ACOX3: variants seen among roughly 807,000 people sequenced by gnomAD.
The protein encoded by ACOX3 is peroxisomal acyl-coenzyme A oxidase 3.
A neutral mutation model predicts 81.5 loss-of-function variants in ACOX3; 73 were observed. That is an observed-to-expected ratio of 0.90 (90% CI 0.74 to 1.09). The LOEUF (loss-of-function observed/expected upper bound fraction) is 1.09, where lower values mean the gene tolerates loss of function less well. ACOX3 is among the 50% of genes least tolerant of loss of function. The probability of loss-of-function intolerance (pLI) is 0.00; values close to 1 mark genes in which losing one functional copy is unlikely to be tolerated. For missense variants in ACOX3, 947 were observed against 928.0 expected, an observed-to-expected ratio of 1.02 and a Z score of -0.27; for synonymous variants, 387 against 375.1, an observed-to-expected ratio of 1.03 and a Z score of -0.37.
rs563266455 is a variant in ACOX3, at chr4:8,372,694, C to T, written c.1896+867G>A. ...ATCCCGAGAGAGGCTCAGAGCCAGT[C>T]ACAGGGACGTTCCACTGGTCCCAGA... On this transcript the variant is annotated intron_variant, in intron 16 of 17. Coordinates refer to ENST00000356406, the MANE Select transcript of ACOX3 (RefSeq NM_003501.3). Among the ~76,000 whole-genome samples, 98 of 152,340 alleles carry T rather than the reference C, an allele frequency of 6.4e-4. 1 individual carries two copies. The highest frequency in any genetic ancestry group is 2.2e-3 in the African/African-American group (93 of 41,586).
intron 16 of ACOX3, among the ~76,000 whole-genome samples, chr4:8,371,845 G>A (rs1011258761): frequency 5.3e-5 from 8 of 152,274 alleles, no homozygotes; most frequent in Non-Finnish European, 1.0e-4. Flanking sequence ...CCAGGTGGGA[G>A]ATGTTACCGG....
Position 8,416,569 on chromosome 4 carries a change from C to G in ACOX3, c.-14-34G>C. ...AACATGCAACCTGAATCCATGCTCT[C>G]CCATCTATGGGTTCAAACTACCCCC... On this transcript the variant is annotated intron_variant, in intron 1 of 17. Transcript: ENST00000356406. This position sits in a 1 kb window ranked among gnomAD's most constrained non-coding sequence, Gnocchi z 4.2. 1 of 1,536,514 alleles carries G rather than the reference C, an allele frequency of 6.5e-7. No individual in the cohort carries two copies. Among genetic ancestry groups the G allele is most frequent in the Non-Finnish European group, 8.8e-7 (1 of 1,142,100 alleles).
chr4:8,371,775 C>T lies in ACOX3; in HGVS notation c.1897-781G>A, dbSNP rs144069973. 8.1e-3 allele frequency among the ~76,000 whole-genome samples: 1,235 copies of T among 152,380 alleles called. 18 individuals carry two copies. The highest frequency in any genetic ancestry group is 0.028 in the African/African-American group (1,175 of 41,594). Reference sequence around the variant, plus strand: ...GGCCGCAGACAAATGCCACTGCTCCCGGAGAGAAGCTCTCGGCAGAGCACA... The same window carrying T: ...GGCCGCAGACAAATGCCACTGCTCCTGGAGAGAAGCTCTCGGCAGAGCACA... On this transcript the variant is annotated intron_variant, in intron 16 of 17. Transcript: ENST00000356406.
chr4:8,399,550 C>T lies in ACOX3; in HGVS notation c.873+6G>A. The T allele has an allele frequency of 6.2e-7, 1 of 1,611,216 alleles. No homozygotes were observed. The highest frequency in any genetic ancestry group is 1.3e-5 in the African/African-American group (1 of 75,006). ...ACGGCACACGAACGGCCCCCCATGC[C>T]TGTACCTTAAAGGGGCTGACATAGG... On this transcript the variant is annotated splice_donor_region_variant and intron_variant, in intron 8 of 17. Transcript: ENST00000356406. The surrounding 1 kb of genome is among the most constrained non-coding windows in gnomAD (Gnocchi z 4.9).
At chr4:8,418,589 C>T (rs942208153) in intron 1 of ACOX3, among the ~76,000 whole-genome samples, 7 of 152,102 alleles carry the variant, frequency 4.6e-5, no homozygotes, top group Admixed American at 3.9e-4. Context: ...ACAGGAAAGG[C>T]CAGGCACGCT....
the ACOX3 span, among the ~76,000 whole-genome samples, chr4:8,359,762 G>A: frequency 1.3e-5 from 2 of 152,116 alleles, no homozygotes; most frequent in Non-Finnish European, 2.9e-5. The surrounding 1 kb of genome is among the most constrained non-coding windows in gnomAD (Gnocchi z 6.0). Context: ...TGAGCGCCTC[G>A]CCTTCCCCAT....
At position 8,431,934 on chromosome 4, in the gene ACOX3, T is replaced by A. The variant is rs1184816665; in HGVS notation, c.-15+8714A>T. 6.6e-6 allele frequency among the ~76,000 whole-genome samples: 1 copy of A among 152,218 alleles called. No individual in the cohort carries two copies. The highest frequency in any genetic ancestry group is 1.9e-4 in the East Asian group (1 of 5,190). ...GTCATTTGTCTCCATTTATCCCTTC[T>A]GTCTTTCCCACCACCACCTCCTTGG... On this transcript the variant is annotated intron_variant, in intron 1 of 17. Transcript: ENST00000356406. This position sits in a 1 kb window ranked among gnomAD's most constrained non-coding sequence, Gnocchi z 5.3.
At chr4:8,404,229 C>T (rs1394769278) in intron 7 of ACOX3, among the ~76,000 whole-genome samples, 3 of 152,190 alleles carry the variant, frequency 2.0e-5, no homozygotes, top group Non-Finnish European at 2.9e-5. Flanking sequence ...ACACGGGCAC[C>T]GTCCATGCCA....
intron 9 of ACOX3, among the ~76,000 whole-genome samples, chr4:8,396,105 G>A (rs573226596): frequency 2.0e-5 from 3 of 152,330 alleles, no homozygotes; most frequent in African/African-American, 7.2e-5. Flanking sequence ...TGCTGCCTGG[G>A]CTGCATCTGT....
At chr4:8,371,912 C>A (rs1368336766) in intron 16 of ACOX3, among the ~76,000 whole-genome samples, 1 of 152,236 alleles carries the variant, frequency 6.6e-6, no homozygotes, top group African/African-American at 2.4e-5. Context: ...CACAAAGGCA[C>A]CCACAGACGA....
Position 8,407,277 on chromosome 4 carries a change from T to C in ACOX3, c.688-1234A>G, listed in dbSNP as rs374413556. 7.5e-4 allele frequency among the ~76,000 whole-genome samples: 115 copies of C among 152,392 alleles called. No homozygotes were observed. The highest frequency in any genetic ancestry group is 2.5e-3 in the African/African-American group (104 of 41,594). On this transcript the variant is annotated intron_variant, in intron 6 of 17. Coordinates refer to ENST00000356406, the MANE Select transcript of ACOX3 (RefSeq NM_003501.3). This position sits in a 1 kb window ranked among gnomAD's most constrained non-coding sequence, Gnocchi z 4.6. ...AGTAATTGCTACAAACTAATGATTA[T>C]TGATATTCATATATAATCATATCTA... is the stretch of plus-strand genomic sequence containing the variant.
At position 8,394,516 on chromosome 4, in the gene ACOX3, G is replaced by A. The variant is rs559114137; in HGVS notation, c.1179+104C>T. 286 of 1,486,588 alleles carry A rather than the reference G, an allele frequency of 1.9e-4. No individual in the cohort carries two copies. Among genetic ancestry groups the A allele is most frequent in the Non-Finnish European group, 2.3e-4 (259 of 1,107,822 alleles). The allele number at this position is 1,486,588 out of a possible 1,614,324, so 92.1% of individuals were successfully genotyped here. A position where few individuals can be genotyped will look rare whatever the true frequency, so the allele number is the denominator to read the frequency against. ...ACAACTGGAGGAATGCTCTGTCCTC[G>A]CAAATCAAAGGACTGATTTTGCTTT... On this transcript the variant is annotated intron_variant, in intron 10 of 17. Coordinates refer to ENST00000356406, the MANE Select transcript of ACOX3 (RefSeq NM_003501.3). This position sits in a 1 kb window ranked among gnomAD's most constrained non-coding sequence, Gnocchi z 5.9.
At position 8,406,519 on chromosome 4, in the gene ACOX3, C is replaced by T. The variant is rs1720974924; in HGVS notation, c.688-476G>A. ...GAAAAGACGGCTGGGTCCGGGGGAC[C>T]ACTACCACCAAGACACGGAGACCGG... On this transcript the variant is annotated intron_variant, in intron 6 of 17. Transcript: ENST00000356406. The surrounding 1 kb of genome is among the most constrained non-coding windows in gnomAD (Gnocchi z 5.6). 6.6e-6 allele frequency among the ~76,000 whole-genome samples: 1 copy of T among 152,064 alleles called. No individual in the cohort carries two copies. Among genetic ancestry groups the T allele is most frequent in the Non-Finnish European group, 1.5e-5 (1 of 68,024 alleles).
chr4:8,392,263 C>T (rs1440557761), intron 11 of ACOX3, 70 bp downstream of exon 11: 17 of 1,370,238 alleles, frequency 1.2e-5, no homozygotes, highest in African/African-American at 3.0e-5. Flanking sequence ...CGCAGTCTGC[C>T]GACCCCTGGT....
intron 1 of ACOX3, among the ~76,000 whole-genome samples, chr4:8,420,647 C>G (rs111616892): frequency 2.6e-5 from 4 of 152,282 alleles, no homozygotes; most frequent in African/African-American, 4.8e-5. Flanking sequence ...GGTACCCCCC[C>G]GTTGAATGGG....
At chr4:8,422,691 C>G (rs1723075349) in intron 1 of ACOX3, among the ~76,000 whole-genome samples, 1 of 152,228 alleles carries the variant, frequency 6.6e-6, no homozygotes, top group Admixed American at 6.5e-5. Context: ...TTCTAAGGCC[C>G]TGGCCAAGGA....
intron 16 of ACOX3, among the ~76,000 whole-genome samples, chr4:8,372,715 C>T (rs1327415756): frequency 6.6e-6 from 1 of 152,202 alleles, no homozygotes; most frequent in Non-Finnish European, 1.5e-5. Flanking sequence ...TCCACTGGTC[C>T]CAGATCAAGT....
chr4:8,403,139 TG>T (rs1307550747), intron 7 of ACOX3, among the ~76,000 whole-genome samples: 2 of 152,266 alleles, frequency 1.3e-5, no homozygotes, highest in African/African-American at 2.4e-5. Flanking sequence ...ACGTTTACCT[TG>T]GATTTGTAGG....
At position 8,414,201 on chromosome 4, in the gene ACOX3, GT is replaced by G. The variant is rs371627136; in HGVS notation, c.543+90del. 6.3e-4 allele frequency: 631 copies of G among 1,006,944 alleles called. No homozygotes were observed. Among genetic ancestry groups the G allele is most frequent in the Non-Finnish European group, 7.7e-4 (518 of 669,890 alleles). The allele number at this position is 1,006,944 out of a possible 1,614,324, so 62.4% of individuals were successfully genotyped here. On this transcript the variant is annotated intron_variant, in intron 5 of 17. Transcript: ENST00000356406. This position sits in a 1 kb window ranked among gnomAD's most constrained non-coding sequence, Gnocchi z 6.1. The stretch of plus-strand genomic sequence containing the variant: ...ATGTGGACAGGCCTCTTGCTTTAAT[GT>G]TTTTTTTTTCTTATTCTGGGCAACG...
Sources: gnomAD v4.1 joint callset for allele counts (sites outside exome capture counted in the v4.1 genomes callset) on GRCh38, gnomAD v4.1.1 for gene constraint, Gnocchi (gnomAD v3.1) non-coding constraint, MANE v1.5 for transcripts, NCBI Gene and HGNC (gene_info 2026-07-23, HGNC 2026-07-21) for gene names.